PRPSAP2: variants seen among roughly 807,000 people sequenced by gnomAD.
The protein encoded by PRPSAP2 is phosphoribosyl pyrophosphate synthase-associated protein 2.
In PRPSAP2, 24 loss-of-function variants were observed where a neutral mutation model predicts 40.6. The ratio of observed to expected loss-of-function variants is 0.59; its 90% CI spans 0.43 to 0.83. The LOEUF (loss-of-function observed/expected upper bound fraction) is 0.83, where lower values mean the gene tolerates loss of function less well. Ranked by LOEUF, PRPSAP2 falls within the 40% of genes least tolerant of loss-of-function variation. PRPSAP2 has a pLI of 0.00. For synonymous variants in PRPSAP2, 149 were observed against 164.7 expected (o/e 0.90, Z 0.73); for missense variants, 292 against 465.6 (o/e 0.63, Z 3.43).
chr17:18,907,645 A>G (rs534921515), intron 8 of PRPSAP2, among the ~76,000 whole-genome samples: 1 of 152,320 alleles, frequency 6.6e-6, no homozygotes, highest in South Asian at 2.1e-4. Flanking sequence ...GAGCCATAAA[A>G]TAAGCCCCAA....
chr17:18,884,017 C>T (rs983614181), intron 7 of PRPSAP2, among the ~76,000 whole-genome samples: 4 of 151,964 alleles, frequency 2.6e-5, no homozygotes, highest in Non-Finnish European at 4.4e-5. Context: ...GCCTATAATC[C>T]CAGCACTTTG....
intron 9 of PRPSAP2, among the ~76,000 whole-genome samples, chr17:18,912,937 T>C (rs774512351): frequency 4.6e-4 from 70 of 152,210 alleles, no homozygotes; most frequent in Non-Finnish European, 8.1e-4. Context: ...TTAAGTTGAC[T>C]CAAAGCCCCG....
At chr17:18,915,025 C>T (rs1001650649) in intron 9 of PRPSAP2, among the ~76,000 whole-genome samples, 2 of 130,200 alleles carry the variant, frequency 1.5e-5, no homozygotes, top group African/African-American at 5.8e-5. Context: ...TGCACCCGAC[C>T]TTTTTTTTTT....
intron 4 of PRPSAP2, among the ~76,000 whole-genome samples, chr17:18,868,757 T>A (rs545176540): frequency 1.1e-4 from 17 of 150,472 alleles, no homozygotes; most frequent in Non-Finnish European, 2.2e-4. Flanking sequence ...AGGGTCTCAT[T>A]ATGTTGCCCA....
At chr17:18,869,676 ATTT>A (rs35312271) in intron 4 of PRPSAP2, among the ~76,000 whole-genome samples, 2 of 138,098 alleles carry the variant, frequency 1.4e-5, no homozygotes, top group African/African-American at 2.7e-5. Flanking sequence ...CCCAGCCATA[ATTT>A]TTTTTTTTTT....
At position 18,865,817 on chromosome 17, in the gene PRPSAP2, A is replaced by G; in HGVS notation, c.-17A>G. The G allele has an allele frequency of 6.9e-7, 1 of 1,458,192 alleles. No individual in the cohort carries two copies. The highest frequency in any genetic ancestry group is 9.2e-7 in the Non-Finnish European group (1 of 1,088,532). The allele number at this position is 1,458,192 out of a possible 1,614,324, so 90.3% of individuals were successfully genotyped here. On this transcript the variant is annotated 5_prime_UTR_variant, in exon 3 of 12. Transcript: ENST00000268835. Reference sequence around the variant, plus strand: ...ATCCTTCTAGGCTCTGAAAATTGGAAAACCAAGAAGGTTTTGATGTTTTGT... The same window carrying G: ...ATCCTTCTAGGCTCTGAAAATTGGAGAACCAAGAAGGTTTTGATGTTTTGT...
intron 1 of PRPSAP2, among the ~76,000 whole-genome samples, chr17:18,863,112 G>T (rs1368073579): frequency 6.6e-6 from 1 of 151,990 alleles, no homozygotes; most frequent in Non-Finnish European, 1.5e-5. Context: ...GAGCCACCGT[G>T]CCCGGCAATT....
chr17:18,924,495 G>A (rs535205400), intron 10 of PRPSAP2, among the ~76,000 whole-genome samples: 20 of 152,252 alleles, frequency 1.3e-4, no homozygotes, highest in Non-Finnish European at 2.2e-4. Flanking sequence ...CTGGCTGGGC[G>A]CGTTGGCTCA....
chr17:18,868,030 G>A (rs1378286918), intron 4 of PRPSAP2, among the ~76,000 whole-genome samples: 1 of 152,028 alleles, frequency 6.6e-6, no homozygotes. Flanking sequence ...CAGCTACTAG[G>A]GAGGCTGAGG....
At chr17:18,913,135 A>G (rs1449609358) in intron 9 of PRPSAP2, among the ~76,000 whole-genome samples, 4 of 151,270 alleles carry the variant, frequency 2.6e-5, no homozygotes, top group African/African-American at 4.9e-5. Flanking sequence ...TTGCCCCACA[A>G]CTCCACTGGG....
intron 6 of PRPSAP2, among the ~76,000 whole-genome samples, chr17:18,878,840 G>A (rs2038500396): frequency 6.6e-6 from 1 of 151,572 alleles, no homozygotes; most frequent in Non-Finnish European, 1.5e-5. Context: ...CACTGCACCC[G>A]GCCTATGATT....
At chr17:18,926,165 G>C (rs1220243061) in intron 10 of PRPSAP2, among the ~76,000 whole-genome samples, 9 of 151,926 alleles carry the variant, frequency 5.9e-5, no homozygotes, top group African/African-American at 2.2e-4. Flanking sequence ...TTATTCCTTA[G>C]TTGGCAAAGT....
rs1482883006 is a variant in PRPSAP2 at position 18,911,327 on chromosome 17, T to G, written c.733+76T>G. ...TACACTGTTGTCTGTGTGGTTTTTT[T>G]CCTCATTCTTCGTTTTTTTTTAGTT... On this transcript the variant is annotated intron_variant, in intron 9 of 11. Coordinates refer to ENST00000268835, the MANE Select transcript of PRPSAP2 (RefSeq NM_002767.4). The surrounding 1 kb of genome is among the most constrained non-coding windows in gnomAD (Gnocchi z 4.5). 3 of 1,343,772 alleles carry G rather than the reference T, an allele frequency of 2.2e-6. No individual in the cohort carries two copies. Among genetic ancestry groups the G allele is most frequent in the Non-Finnish European group, 2.9e-6 (3 of 1,041,374 alleles). The allele number at this position is 1,343,772 out of a possible 1,614,324, so 83.2% of individuals were successfully genotyped here.
In PRPSAP2 at chr17:18,930,767, T is replaced by C; in HGVS notation, c.*69T>C. 1 of 1,401,456 alleles carries C rather than the reference T, an allele frequency of 7.1e-7. No individual in the cohort carries two copies. The highest frequency in any genetic ancestry group is 1.4e-5 in the South Asian group (1 of 69,688). 86.8% of individuals were successfully genotyped at this position (1,401,456 alleles called of 1,614,324 possible). A position where few individuals can be genotyped will look rare whatever the true frequency, so the allele number is the denominator to read the frequency against. On this transcript the variant is annotated 3_prime_UTR_variant, in exon 12 of 12. Transcript: ENST00000268835. ...AGAGTGACTGCTCGGTGGGATGGAT[T>C]TCACAGGAACCGTCATGCTTGTTCC...
chr17:18,859,231 G>GT (rs1219050982), intron 1 of PRPSAP2: 2 of 152,116 alleles, frequency 1.3e-5, no homozygotes, highest in Non-Finnish European at 2.9e-5. Flanking sequence ...TCAAACTTCT[G>GT]TTTTCTTTCT....
intron 8 of PRPSAP2, among the ~76,000 whole-genome samples, chr17:18,900,716 T>C (rs1348518871): frequency 6.6e-6 from 1 of 152,088 alleles, no homozygotes; most frequent in Non-Finnish European, 1.5e-5. Flanking sequence ...CCAGGCCTTG[T>C]GTGGACCACC....
intron 1 of PRPSAP2, among the ~76,000 whole-genome samples, chr17:18,860,275 C>T (rs905821439): frequency 2.0e-5 from 3 of 151,966 alleles, no homozygotes; most frequent in Non-Finnish European, 2.9e-5. Context: ...AGGCTGGTCT[C>T]GAACTCCTGA....
At chr17:18,880,858 G>A (rs186335993) in intron 6 of PRPSAP2, among the ~76,000 whole-genome samples, 1 of 151,768 alleles carries the variant, frequency 6.6e-6, no homozygotes, top group African/African-American at 2.4e-5. Context: ...TTTCGAGATG[G>A]AGTCTCGCTC....
chr17:18,892,134 C>T (rs1292296091), intron 8 of PRPSAP2, among the ~76,000 whole-genome samples: 1 of 152,172 alleles, frequency 6.6e-6, no homozygotes. Context: ...GGATTACAGG[C>T]GTGAGCCACC....
Sources: allele counts gnomAD v4.1 joint callset (sites outside exome capture counted in the v4.1 genomes callset), GRCh38; gene constraint gnomAD v4.1.1; non-coding constraint Gnocchi (gnomAD v3.1); transcripts MANE v1.5; gene names NCBI Gene and HGNC (gene_info 2026-07-23, HGNC 2026-07-21).